The following MYO5B variants were observed in gnomAD, a reference collection of about 807,000 sequenced individuals.
The protein encoded by MYO5B is unconventional myosin-Vb.
In MYO5B, 143 loss-of-function variants were observed where a neutral mutation model predicts 229.3. That is an observed-to-expected ratio of 0.62 (90% confidence interval 0.54 to 0.72). MYO5B has a LOEUF of 0.72. MYO5B is among the 30% of genes least tolerant of loss of function. MYO5B has a pLI of 0.00. For synonymous variants in MYO5B, 918 were observed against 885.2 expected (o/e 1.04, Z -0.66); for missense variants, 2,321 against 2,331.0 (o/e 1.00, Z 0.09).
chr18:50,136,882 A>C (rs2032344556), intron 1 of MYO5B, among the ~76,000 whole-genome samples: 1 of 152,172 alleles, frequency 6.6e-6, no homozygotes, highest in Non-Finnish European at 1.5e-5. Context: ...GCATTCCCTA[A>C]CTACCCAACT....
At chr18:49,989,201 C>T (rs765363346) in intron 7 of MYO5B, among the ~76,000 whole-genome samples, 4 of 152,136 alleles carry the variant, frequency 2.6e-5, no homozygotes, top group Non-Finnish European at 4.4e-5. Flanking sequence ...TTGCATGGTA[C>T]AAGCATTGAA....
intron 10 of MYO5B, among the ~76,000 whole-genome samples, chr18:49,973,166 C>T (rs937657587): frequency 7.4e-4 from 113 of 152,292 alleles, no homozygotes; most frequent in African/African-American, 2.5e-3. Flanking sequence ...TCACTTAACT[C>T]GTGCATGAGA....
At chr18:49,837,011 G>A in intron 37 of MYO5B, 126 bp from the exon 38 acceptor site, 1 of 942,390 alleles carries the variant, frequency 1.1e-6, no homozygotes, top group Non-Finnish European at 1.6e-6. Context: ...CGGTTAAAAA[G>A]CATGGCAAGT....
intron 35 of MYO5B, 179 bp from the exon 36 acceptor site, chr18:49,839,473 T>TG: frequency 1.5e-6 from 1 of 684,290 alleles, no homozygotes; most frequent in Admixed American, 2.3e-5. Context: ...TGATGACCCT[T>TG]GAACTTGAAG....
chr18:50,090,664 T>G (rs986958395), intron 1 of MYO5B, among the ~76,000 whole-genome samples: 2 of 152,130 alleles, frequency 1.3e-5, no homozygotes, highest in African/African-American at 4.8e-5. Context: ...GTTTACAAAA[T>G]GTGGTTTTAA....
At chr18:50,031,636 T>G (rs944074887) in intron 4 of MYO5B, among the ~76,000 whole-genome samples, 16 of 152,332 alleles carry the variant, frequency 1.1e-4, no homozygotes, top group African/African-American at 3.8e-4. Flanking sequence ...AAGCTAAGTT[T>G]CTGATGAGAA....
At chr18:49,935,066 T>A (rs1220234774) in intron 16 of MYO5B, among the ~76,000 whole-genome samples, 1 of 152,124 alleles carries the variant, frequency 6.6e-6, no homozygotes, top group Non-Finnish European at 1.5e-5. Flanking sequence ...GGATGTTTTT[T>A]AAAGGTTTAA....
At chr18:50,191,008 T>C (rs1412169093) in intron 1 of MYO5B, among the ~76,000 whole-genome samples, 2 of 152,308 alleles carry the variant, frequency 1.3e-5, no homozygotes, top group East Asian at 3.9e-4. Flanking sequence ...AAAGGGAACA[T>C]TGGCTATTTT....
intron 4 of MYO5B, among the ~76,000 whole-genome samples, chr18:50,017,811 G>A (rs558693439): frequency 2.6e-5 from 4 of 152,186 alleles, no homozygotes; most frequent in Non-Finnish European, 5.9e-5. Context: ...CCCTAAATAA[G>A]CTGTGATACC....
chr18:49,836,463 C>G (rs2023987662), intron 38 of MYO5B, among the ~76,000 whole-genome samples: 2 of 152,246 alleles, frequency 1.3e-5, no homozygotes, highest in South Asian at 2.1e-4. Context: ...GCTACCTTAT[C>G]TTTTTAAGTG....
chr18:49,902,745 G>A lies in MYO5B; in HGVS notation c.2660C>T (p.Ala887Val), dbSNP rs1470905817. 6.2e-7 allele frequency: 1 copy of A among 1,608,278 alleles called. No homozygotes were observed. The highest frequency in any genetic ancestry group is 2.2e-5 in the East Asian group (1 of 44,886). ...CCGGAAGGCACACTGGATGACAATG[G>A]CTGCATCCCGCAGCCGCTGGAAGTG... ...RRHFQRLRDA[A>V]IVIQCAFRML... Residue 887 changes from alanine to valine, a missense_variant, in exon 21 of 40, where the codon GCC (alanine) becomes GTC (valine). Coordinates refer to ENST00000285039, the MANE Select transcript of MYO5B (RefSeq NM_001080467.3).
intron 37 of MYO5B, 22 bp downstream of exon 37, chr18:49,837,495 T>C: frequency 1.2e-6 from 2 of 1,613,420 alleles, no homozygotes; most frequent in Non-Finnish European, 1.7e-6. Flanking sequence ...ATCTGTGTTG[T>C]TGGGGGGTGC....
intron 35 of MYO5B, chr18:49,840,633 G>A (rs1199840181): frequency 6.6e-6 from 1 of 152,368 alleles, no homozygotes; most frequent in Non-Finnish European, 1.5e-5. Flanking sequence ...ACCTGTGAGC[G>A]GGCATATCTG....
chr18:50,109,650 T>A (rs1475738194), intron 1 of MYO5B, among the ~76,000 whole-genome samples: 3 of 152,046 alleles, frequency 2.0e-5, no homozygotes, highest in Admixed American at 1.3e-4. Context: ...ATGGTCTCGA[T>A]CTCCTGACGT....
chr18:50,194,107 G>A lies in MYO5B; in HGVS notation c.27+660C>T, dbSNP rs115735237. ...GGCCGCGTCAAAACATCCATCCCCA[G>A]CAAATTCACAATGCTCTTCCCTGGG... On this transcript the variant is annotated intron_variant, in intron 1 of 39. Transcript: ENST00000285039. Among the ~76,000 whole-genome samples, 682 of 152,304 alleles carry A rather than the reference G, an allele frequency of 4.5e-3. 5 individuals carry two copies. The highest frequency in any genetic ancestry group is 0.015 in the African/African-American group (639 of 41,574).
chr18:50,116,093 A>C (rs1310849221), intron 1 of MYO5B, among the ~76,000 whole-genome samples: 1 of 152,206 alleles, frequency 6.6e-6, no homozygotes, highest in Non-Finnish European at 1.5e-5. Context: ...ATGGATCACT[A>C]AACAAAATTA....
chr18:49,838,325 A>T (rs1410509442), intron 36 of MYO5B, among the ~76,000 whole-genome samples: 7 of 152,218 alleles, frequency 4.6e-5, no homozygotes, highest in Non-Finnish European at 8.8e-5. Flanking sequence ...AGGGAGTGGC[A>T]GGGCCAGGAT....
At chr18:50,075,538 T>C (rs1037820768) in intron 1 of MYO5B, among the ~76,000 whole-genome samples, 4 of 152,150 alleles carry the variant, frequency 2.6e-5, no homozygotes, top group African/African-American at 9.7e-5. Flanking sequence ...CTGCAGCCCA[T>C]AGAAGGTGCC....
At chr18:50,055,575 G>A (rs2030527905) in intron 1 of MYO5B, among the ~76,000 whole-genome samples, 197 bp from the exon 2 acceptor site, 1 of 152,150 alleles carries the variant, frequency 6.6e-6, no homozygotes, top group African/African-American at 2.4e-5. Flanking sequence ...TGGTAGCAGA[G>A]GGCACCTTTT....
Sources: allele counts gnomAD v4.1 joint callset (sites outside exome capture counted in the v4.1 genomes callset), GRCh38; gene constraint gnomAD v4.1.1; transcripts MANE v1.5; gene names NCBI Gene and HGNC (gene_info 2026-07-23, HGNC 2026-07-21).